Variants in ABCB5 observed in about 807,000 individuals in gnomAD.
ABCB5 encodes ATP binding cassette subfamily B member 5.
A neutral mutation model predicts 144.2 loss-of-function variants in ABCB5; 155 were observed. The observed-to-expected ratio is 1.08, with a 90% CI of 0.94 to 1.23. ABCB5 has a LOEUF of 1.23. ABCB5 is among the 50% of genes most tolerant of loss of function. ABCB5 has a pLI of 0.00. For synonymous variants in ABCB5, 610 were observed against 528.6 expected, an observed-to-expected ratio of 1.15 and a Z score of -2.11; for missense variants, 1,830 against 1,520.8, an observed-to-expected ratio of 1.20 and a Z score of -3.38.
chr7:20,664,035 T>C (rs13238268), intron 14 of ABCB5, among the ~76,000 whole-genome samples: 37,099 of 148,750 alleles, frequency 0.25, 5,362 homozygotes, highest in African/African-American at 0.42. Context: ...TTTTTTTTTT[T>C]ACCAAAAAGA....
chr7:20,631,650 G>C (rs1040535805), intron 4 of ABCB5, among the ~76,000 whole-genome samples: 1 of 152,064 alleles, frequency 6.6e-6, no homozygotes, highest in African/African-American at 2.4e-5. Flanking sequence ...AATTCTTCTA[G>C]AACTTTCACA....
intron 17 of ABCB5, among the ~76,000 whole-genome samples, chr7:20,699,451 A>G (rs1161531140): frequency 6.6e-6 from 1 of 152,236 alleles, no homozygotes; most frequent in African/African-American, 2.4e-5. Context: ...CTGTAATCCC[A>G]GCACTTTGGG....
chr7:20,619,491 G>A (rs1293516916), intron 1 of ABCB5, among the ~76,000 whole-genome samples: 1 of 152,138 alleles, frequency 6.6e-6, no homozygotes, highest in Admixed American at 6.5e-5. Context: ...CTCTTGAGAA[G>A]TGTTTGTTCA....
intron 3 of ABCB5, 88 bp downstream of exon 3, chr7:20,626,699 A>C (rs1783916889): frequency 6.7e-6 from 7 of 1,039,852 alleles, no homozygotes; most frequent in Non-Finnish European, 9.3e-6. Flanking sequence ...ATTAGATTGC[A>C]TCCACTATTT....
intron 14 of ABCB5, among the ~76,000 whole-genome samples, chr7:20,675,339 A>G (rs1785567170): frequency 6.6e-6 from 1 of 151,770 alleles, no homozygotes; most frequent in African/African-American, 2.4e-5. Context: ...AAATAAATGT[A>G]TGCATATATA....
intron 2 of ABCB5, among the ~76,000 whole-genome samples, 166 bp from the exon 3 acceptor site, chr7:20,626,391 G>C (rs888783974): frequency 6.6e-6 from 1 of 152,164 alleles, no homozygotes; most frequent in Admixed American, 6.5e-5. Context: ...CAAGTTTACA[G>C]ACAACCAGTG....
intron 20 of ABCB5, 46 bp from the exon 21 acceptor site, chr7:20,722,970 T>C: frequency 6.4e-7 from 1 of 1,561,970 alleles, no homozygotes; most frequent in Non-Finnish European, 8.8e-7. Context: ...CTCTTGTAAA[T>C]GTAAAGTTAA....
At chr7:20,753,630 G>T in intron 27 of ABCB5, 124 bp downstream of exon 27, 1 of 1,145,948 alleles carries the variant, frequency 8.7e-7, no homozygotes, top group Non-Finnish European at 1.2e-6. Context: ...AAGGTCACCA[G>T]TTCCAATTAA....
At chr7:20,654,559 C>A (rs1334014394) in intron 13 of ABCB5, among the ~76,000 whole-genome samples, 2 of 152,182 alleles carry the variant, frequency 1.3e-5, no homozygotes, top group Admixed American at 6.5e-5. Context: ...CTCAAGTGCA[C>A]ACGCAACATT....
intron 20 of ABCB5, among the ~76,000 whole-genome samples, chr7:20,707,948 T>C (rs1786875666): frequency 6.6e-6 from 1 of 151,680 alleles, no homozygotes; most frequent in Admixed American, 6.6e-5. Flanking sequence ...GGACTACAGG[T>C]GCCTGCTACT....
chr7:20,711,908 C>CCTTT (rs1212507028), intron 20 of ABCB5, among the ~76,000 whole-genome samples: 6 of 104,770 alleles, frequency 5.7e-5, no homozygotes, highest in African/African-American at 1.2e-4. Flanking sequence ...TTCCTTCCTT[C>CCTTT]CTTTCTTTCT....
At chr7:20,665,366 T>C (rs1274121674) in intron 14 of ABCB5, among the ~76,000 whole-genome samples, 1 of 152,128 alleles carries the variant, frequency 6.6e-6, no homozygotes, top group East Asian at 1.9e-4. Context: ...AACCCCACAT[T>C]GTTGAGCCCT....
At chr7:20,707,237 G>C (rs1417718021) in intron 20 of ABCB5, among the ~76,000 whole-genome samples, 1 of 152,018 alleles carries the variant, frequency 6.6e-6, no homozygotes, top group Non-Finnish European at 1.5e-5. Context: ...ACAAATCTTA[G>C]TTTGAAACCT....
At chr7:20,659,007 C>G (rs1482332150) in intron 14 of ABCB5, 11 of 1,577,448 alleles carry the variant, frequency 7.0e-6, no homozygotes, top group Non-Finnish European at 9.6e-6. Context: ...CATGCCCACC[C>G]TTTGCTTCTT....
Position 20,699,887 on chromosome 7 carries a change from C to G in ABCB5, c.2217C>G (p.Phe739Leu). Residue 739 changes from phenylalanine (F) to leucine (L), a missense_variant, in exon 18 of 28, where the codon TTC becomes TTG. Physicochemically the swap from Phe to Leu is conservative, Grantham distance 22. Coordinates refer to ENST00000404938, the MANE Select transcript of ABCB5 (RefSeq NM_001163941.2). ...KHDAEIYSMI[F>L]VILGVICFVS... ...ATGCAGAAATTTATTCCATGATATT[C>G]GTCATTTTGGGTGTTATTTGCTTTG... 1 of 1,612,574 alleles carries G rather than the reference C, an allele frequency of 6.2e-7. No individual in the cohort carries two copies. Among genetic ancestry groups the G allele is most frequent in the South Asian group, 1.1e-5 (1 of 90,720 alleles).
chr7:20,659,241 A>G (rs944712208), intron 14 of ABCB5: 4 of 1,546,352 alleles, frequency 2.6e-6, no homozygotes, highest in Non-Finnish European at 3.5e-6. Context: ...ACCAAATTAC[A>G]CTGAATCTAG....
At position 20,704,789 on chromosome 7, in the gene ABCB5, T is replaced by C. The variant is rs1433386021; in HGVS notation, c.2403T>C (p.Asp801=). 5 of 1,613,334 alleles carry C rather than the reference T, an allele frequency of 3.1e-6. No homozygotes were observed. ...GCTTGACAACAATATTAGCCATAGA[T>C]ATAGCACAAATTCAAGGAGTATGTA... ...TGGLTTILAI[D]IAQIQGATGS... is the part of the protein sequence containing the mutation. Residue 801 remains aspartate, a synonymous_variant, in exon 20 of 28, where the codon GAT becomes GAC. Transcript: ENST00000404938.
intron 24 of ABCB5, among the ~76,000 whole-genome samples, chr7:20,740,295 T>C (rs1353587783): frequency 6.6e-6 from 1 of 152,150 alleles, no homozygotes; most frequent in African/African-American, 2.4e-5. Context: ...AAATATACAT[T>C]CAATTTTAGT....
At chr7:20,754,575 C>A (rs563704583) in intron 27 of ABCB5, among the ~76,000 whole-genome samples, 1 of 152,184 alleles carries the variant, frequency 6.6e-6, no homozygotes, top group Non-Finnish European at 1.5e-5. Context: ...CTCTATATAG[C>A]GTCATAACCT....
Sources: allele counts gnomAD v4.1 joint callset (sites outside exome capture counted in the v4.1 genomes callset), GRCh38; gene constraint gnomAD v4.1.1; transcripts MANE v1.5; gene names NCBI Gene and HGNC (gene_info 2026-07-23, HGNC 2026-07-21).